The following NRG1 variants were observed in gnomAD, a reference collection of about 807,000 sequenced individuals.
NRG1 encodes neuregulin 1.
NRG1 carries 18 observed loss-of-function variants against 63.8 expected under a neutral mutation model. The ratio of observed to expected loss-of-function variants is 0.28; its 90% CI spans 0.19 to 0.42. The LOEUF (loss-of-function observed/expected upper bound fraction) is 0.42, where lower values mean the gene tolerates loss of function less well. Ranked by LOEUF, NRG1 falls within the 10% of genes least tolerant of loss-of-function variation. The pLI is 1.00. For missense variants in NRG1, 762 were observed against 814.7 expected (o/e 0.94, Z 0.79); for synonymous variants, 302 against 301.3 (o/e 1.00, Z -0.02).
intron 1 of NRG1, among the ~76,000 whole-genome samples, chr8:32,564,070 T>C (rs542023315): frequency 1.3e-5 from 2 of 152,198 alleles, no homozygotes; most frequent in Non-Finnish European, 2.9e-5. Flanking sequence ...ATGTGTATGA[T>C]AAATCATTTT....
At chr8:32,609,000 T>A (rs576455221) in intron 3 of NRG1, among the ~76,000 whole-genome samples, 1 of 152,254 alleles carries the variant, frequency 6.6e-6, no homozygotes, top group East Asian at 1.9e-4. Flanking sequence ...TTACAAATTA[T>A]CTGCTGTCTG....
intron 1 of NRG1, among the ~76,000 whole-genome samples, chr8:32,345,024 G>A (rs973535): frequency 0.52 from 78,586 of 151,946 alleles, 21,254 homozygotes; most frequent in Non-Finnish European, 0.61. Flanking sequence ...GTAGCTATGC[G>A]TTTCATTGAC....
At chr8:32,657,928 G>A (rs933719605) in intron 5 of NRG1, among the ~76,000 whole-genome samples, 34 of 152,048 alleles carry the variant, frequency 2.2e-4, no homozygotes, top group Middle Eastern at 6.8e-3. Flanking sequence ...TTCTTCAAAA[G>A]GAAGAGAAAA....
At chr8:32,756,221 C>CT (rs1436444500) in intron 8 of NRG1, among the ~76,000 whole-genome samples, 182 bp from the exon 9 acceptor site, 2 of 152,060 alleles carry the variant, frequency 1.3e-5, no homozygotes, top group Non-Finnish European at 2.9e-5. Context: ...CTTTTAAAAT[C>CT]TGTTTGGTAA....
At chr8:32,037,320 A>G (rs1395749364) in intron 1 of NRG1, among the ~76,000 whole-genome samples, 1 of 152,128 alleles carries the variant, frequency 6.6e-6, no homozygotes, top group Non-Finnish European at 1.5e-5. Flanking sequence ...TTTCCCCAAG[A>G]GGAGCACCAA....
In NRG1 at chr8:32,748,335, G is replaced by GCGCA. The variant is rs1554662517; in HGVS notation, c.691+5605_691+5606insACGC. Among the ~76,000 whole-genome samples the GCGCA allele has an allele frequency of 1.2e-4, 11 of 95,624 alleles. No individual in the cohort carries two copies. In the East Asian group the frequency reaches 1.7e-3, roughly 14 times the overall value. The allele number at this position is 95,624 out of a possible 152,430, so 62.7% of individuals were successfully genotyped here. A position where few individuals can be genotyped will look rare whatever the true frequency, so the allele number is the denominator to read the frequency against. On this transcript the variant is annotated intron_variant, in intron 7 of 11. Coordinates refer to ENST00000356819, the Ensembl canonical transcript of NRG1. ...CACATAGGCGCATGTACACGCGCGC[G>GCGCA]CGCGCACACACACACACACACACAG...
At chr8:32,009,870 T>TA (rs1403646292) in intron 1 of NRG1, among the ~76,000 whole-genome samples, 1 of 151,564 alleles carries the variant, frequency 6.6e-6, no homozygotes, top group African/African-American at 2.4e-5. Flanking sequence ...GCACTTTCTC[T>TA]CCCCCCAGCC....
At chr8:31,688,086 T>G (rs1160548758) in intron 1 of NRG1, among the ~76,000 whole-genome samples, 1 of 152,266 alleles carries the variant, frequency 6.6e-6, no homozygotes, top group Non-Finnish European at 1.5e-5. Context: ...AATATTTATA[T>G]TTTTTGTTTA....
chr8:32,409,481 T>C (rs1389054137), intron 1 of NRG1, among the ~76,000 whole-genome samples: 1 of 152,152 alleles, frequency 6.6e-6, no homozygotes, highest in East Asian at 1.9e-4. Context: ...ACATACAGGA[T>C]GGGTGAAAAT....
At chr8:32,124,198 C>T (rs1178930558) in intron 1 of NRG1, among the ~76,000 whole-genome samples, 2 of 151,944 alleles carry the variant, frequency 1.3e-5, no homozygotes, top group East Asian at 3.9e-4. Context: ...TCCTTCATTA[C>T]TTTTCCTCCT....
At chr8:32,510,122 A>ATCATCATCATC (rs1554566690) in intron 1 of NRG1, among the ~76,000 whole-genome samples, 2,142 of 116,822 alleles carry the variant, frequency 0.018, 31 homozygotes, top group African/African-American at 0.04. Context: ...TAATAATAAT[A>ATCATCATCATC]ATAATCATAA....
chr8:32,316,415 G>T (rs1054105756), intron 1 of NRG1, among the ~76,000 whole-genome samples: 2 of 150,356 alleles, frequency 1.3e-5, no homozygotes, highest in East Asian at 3.9e-4. Flanking sequence ...GGCGGAGGGT[G>T]CAGTGAGCCA....
intron 1 of NRG1, among the ~76,000 whole-genome samples, chr8:32,349,452 T>C (rs1805316442): frequency 2.0e-5 from 3 of 152,128 alleles, no homozygotes; most frequent in Admixed American, 6.5e-5. Context: ...ACACTATGAG[T>C]AGTCAAGGTA....
At chr8:31,741,022 G>A (rs1815217579) in intron 1 of NRG1, among the ~76,000 whole-genome samples, 1 of 152,054 alleles carries the variant, frequency 6.6e-6, no homozygotes, top group Admixed American at 6.6e-5. Flanking sequence ...TATGCACCAT[G>A]GAATACTACA....
At chr8:32,499,911 A>G (rs1184045640) in intron 1 of NRG1, among the ~76,000 whole-genome samples, 1 of 152,184 alleles carries the variant, frequency 6.6e-6, no homozygotes, top group African/African-American at 2.4e-5. Context: ...AGTGATGCCA[A>G]GTCACAAGGG....
chr8:32,167,760 G>A (rs915507264), intron 1 of NRG1, among the ~76,000 whole-genome samples: 1 of 152,228 alleles, frequency 6.6e-6, no homozygotes, highest in Non-Finnish European at 1.5e-5. Flanking sequence ...TTCTGGGGAT[G>A]GCATCTGGTA....
intron 1 of NRG1, among the ~76,000 whole-genome samples, chr8:32,108,131 C>A (rs184763156): frequency 6.6e-6 from 1 of 152,064 alleles, no homozygotes; most frequent in African/African-American, 2.4e-5. Context: ...AGAACCATGA[C>A]CCTCCTCAAA....
chr8:32,758,469 C>T (rs890790347), intron 9 of NRG1, among the ~76,000 whole-genome samples: 7 of 145,842 alleles, frequency 4.8e-5, no homozygotes, highest in African/African-American at 1.0e-4. Context: ...CCCAACTACT[C>T]GGGAGGGTGA....
At chr8:32,543,799 C>T (rs1832796269), upstream of NRG1, among the ~76,000 whole-genome samples, 1 of 152,162 alleles carries the variant, frequency 6.6e-6, no homozygotes. Flanking sequence ...TATCATAAAA[C>T]TGTCTTTACA....
Sources: gnomAD v4.1 joint callset for allele counts (sites outside exome capture counted in the v4.1 genomes callset) on GRCh38, gnomAD v4.1.1 for gene constraint, MANE v1.5 for transcripts, NCBI Gene and HGNC (gene_info 2026-07-23, HGNC 2026-07-21) for gene names.